The following PCDH15 variants were observed in gnomAD, a reference collection of about 807,000 sequenced individuals.
The protein encoded by PCDH15 is protocadherin-15.
A neutral mutation model predicts 178.5 loss-of-function variants in PCDH15; 129 were observed. That is an observed-to-expected ratio of 0.72 (90% CI 0.63 to 0.84). PCDH15 has a LOEUF of 0.84. Ranked by LOEUF, PCDH15 falls within the 40% of genes least tolerant of loss-of-function variation. The pLI, the probability that PCDH15 is intolerant of heterozygous loss-of-function variation, is 0.00. For missense variants in PCDH15, 2,230 were observed against 2,099.9 expected (o/e 1.06, Z -1.21); for synonymous variants, 800 against 732.0 (o/e 1.09, Z -1.50).
chr10:54,427,785 T>G (rs1956475688), intron 3 of PCDH15, among the ~76,000 whole-genome samples: 1 of 152,170 alleles, frequency 6.6e-6, no homozygotes, highest in African/African-American at 2.4e-5. Flanking sequence ...ATATCAATTT[T>G]TTTGACCTAG....
intron 9 of PCDH15, among the ~76,000 whole-genome samples, chr10:54,218,066 C>T (rs1250534199): frequency 6.6e-6 from 1 of 152,008 alleles, no homozygotes; most frequent in East Asian, 1.9e-4. Flanking sequence ...TTGGAGCATG[C>T]TAGAGAAATA....
Position 54,567,913 on chromosome 10 carries a change from G to A in PCDH15, c.92-40036C>T, listed in dbSNP as rs369514671. On this transcript the variant is annotated intron_variant, in intron 2 of 37. Coordinates refer to ENST00000644397, the MANE Select transcript of PCDH15 (RefSeq NM_001384140.1). Reference sequence around the variant, plus strand: ...GAAAAAGAAGCTTTCATCCTCTAAGGCTTCCAGCATCTGCTGAAACTACTT... The same window carrying A: ...GAAAAAGAAGCTTTCATCCTCTAAGACTTCCAGCATCTGCTGAAACTACTT... Among the ~76,000 whole-genome samples, 11 of 152,102 alleles carry A rather than the reference G, an allele frequency of 7.2e-5. No homozygotes were observed. In the East Asian group the frequency reaches 2.1e-3, roughly 29 times the overall value.
chr10:55,169,396 T>A (rs974565017), intron 1 of PCDH15, among the ~76,000 whole-genome samples: 1 of 152,208 alleles, frequency 6.6e-6, no homozygotes, highest in Non-Finnish European at 1.5e-5. Flanking sequence ...AATCTCTATG[T>A]TGTAGTAATA....
At chr10:53,822,250 G>T in intron 32 of PCDH15, 2 of 1,613,922 alleles carry the variant, frequency 1.2e-6, no homozygotes, top group Middle Eastern at 3.3e-4. Flanking sequence ...GGAGGGCAAG[G>T]AATAGAAGGA....
chr10:54,434,039 T>C (rs1409454440), intron 3 of PCDH15, among the ~76,000 whole-genome samples: 1 of 152,096 alleles, frequency 6.6e-6, no homozygotes, highest in Non-Finnish European at 1.5e-5. Context: ...AGCCCTAGGC[T>C]AAAATGTGTT....
intron 23 of PCDH15, among the ~76,000 whole-genome samples, chr10:53,948,260 C>G (rs569507050): frequency 6.6e-6 from 1 of 152,186 alleles, no homozygotes; most frequent in South Asian, 2.1e-4. Context: ...CTTACCTATG[C>G]TGGAAACTAT....
intron 16 of PCDH15, among the ~76,000 whole-genome samples, chr10:54,084,516 C>A (rs1260340991): frequency 6.6e-6 from 1 of 151,952 alleles, no homozygotes; most frequent in East Asian, 1.9e-4. Flanking sequence ...CACCTGTAGT[C>A]CCAGCTACTT....
chr10:54,609,673 C>T (rs2092897630), intron 2 of PCDH15, among the ~76,000 whole-genome samples: 1 of 151,918 alleles, frequency 6.6e-6, no homozygotes, highest in Non-Finnish European at 1.5e-5. Flanking sequence ...AAATATACTG[C>T]CACTGTGGTT....
chr10:55,606,037 C>T (rs1402951186), intron 2 of PCDH15, among the ~76,000 whole-genome samples: 4 of 78,528 alleles, frequency 5.1e-5, no homozygotes, highest in Admixed American at 4.9e-4. Context: ...TGATAAGCAA[C>T]TTCAGCAAAG....
chr10:54,610,243 A>G (rs567417459), intron 2 of PCDH15, among the ~76,000 whole-genome samples: 80 of 151,954 alleles, frequency 5.3e-4, no homozygotes, highest in African/African-American at 1.8e-3. Context: ...TGCCTTACAA[A>G]ACTACTGGCT....
intron 23 of PCDH15, among the ~76,000 whole-genome samples, chr10:53,958,838 G>C (rs1261904737): frequency 1.3e-5 from 2 of 151,728 alleles, no homozygotes; most frequent in African/African-American, 4.8e-5. Context: ...AATTAGCCAG[G>C]CATGGTGGTG....
At chr10:55,351,827 G>T (rs1349147669) in intron 2 of PCDH15, among the ~76,000 whole-genome samples, 1 of 152,076 alleles carries the variant, frequency 6.6e-6, no homozygotes, top group Non-Finnish European at 1.5e-5. Context: ...CTCCTAAGTA[G>T]TTTCCTTGAT....
At chr10:54,704,180 T>C (rs1351569556) in intron 1 of PCDH15, among the ~76,000 whole-genome samples, 1 of 152,108 alleles carries the variant, frequency 6.6e-6, no homozygotes, top group Non-Finnish European at 1.5e-5. Context: ...AATACCATTC[T>C]GGACATAGGC....
At chr10:54,766,908 C>T (rs968505682) in intron 1 of PCDH15, among the ~76,000 whole-genome samples, 8 of 151,366 alleles carry the variant, frequency 5.3e-5, no homozygotes, top group African/African-American at 1.7e-4. Flanking sequence ...CCAGCCTGGG[C>T]GACAGAGCGA....
intron 2 of PCDH15, among the ~76,000 whole-genome samples, chr10:55,068,792 C>CGT (rs1841636532): frequency 6.6e-6 from 1 of 150,708 alleles, no homozygotes; most frequent in Non-Finnish European, 1.5e-5. Flanking sequence ...TGTGCGTGCA[C>CGT]GTGTGTGTGT....
chr10:55,284,992 G>T (rs1429708256), intron 1 of PCDH15, among the ~76,000 whole-genome samples: 1 of 151,682 alleles, frequency 6.6e-6, no homozygotes, highest in Admixed American at 6.6e-5. Context: ...AGTAGGGGAA[G>T]TGAGATCGCT....
At chr10:54,741,529 A>G (rs1015208837) in intron 1 of PCDH15, among the ~76,000 whole-genome samples, 5 of 152,036 alleles carry the variant, frequency 3.3e-5, no homozygotes, top group African/African-American at 1.2e-4. Context: ...ACCAATGACT[A>G]CAAAATTGAT....
At chr10:54,132,483 C>T (rs1247652933) in intron 15 of PCDH15, among the ~76,000 whole-genome samples, 4 of 152,068 alleles carry the variant, frequency 2.6e-5, no homozygotes, top group Non-Finnish European at 1.5e-5. Flanking sequence ...AAGTTAATTC[C>T]CCTACACAAG....
intron 8 of PCDH15, among the ~76,000 whole-genome samples, chr10:54,315,702 T>A (rs935002692): frequency 9.4e-6 from 1 of 105,826 alleles, no homozygotes; most frequent in Non-Finnish European, 2.2e-5. Context: ...AGTTGATTTT[T>A]GGTTATGGTA....
Sources: allele counts gnomAD v4.1 joint callset (sites outside exome capture counted in the v4.1 genomes callset), GRCh38; gene constraint gnomAD v4.1.1; transcripts MANE v1.5; gene names NCBI Gene and HGNC (gene_info 2026-07-23, HGNC 2026-07-21).